The following CD8B2 variants were observed in gnomAD, a reference collection of about 807,000 sequenced individuals.
The protein encoded by CD8B2 is CD8B family member 2.
CD8B2 carries 11 observed loss-of-function variants against 23.7 expected under a neutral mutation model. That is an observed-to-expected ratio of 0.46 (90% confidence interval 0.29 to 0.77). CD8B2 has a LOEUF of 0.77. Ranked by LOEUF, CD8B2 falls within the 30% of genes least tolerant of loss-of-function variation. The pLI, the probability that CD8B2 is intolerant of heterozygous loss-of-function variation, is 0.09. For missense variants in CD8B2, 197 were observed against 270.5 expected (o/e 0.73, Z 1.91); for synonymous variants, 90 against 109.3 (o/e 0.82, Z 1.10).
intron 3 of CD8B2, among the ~76,000 whole-genome samples, chr2:106,500,556 A>AATTAATTAAT (rs1553466755): frequency 9.6e-6 from 1 of 104,508 alleles, no homozygotes; most frequent in Non-Finnish European, 2.5e-5. Flanking sequence ...AAATAAATAA[A>AATTAATTAAT]TAAATAATTA....
intron 5 of CD8B2, among the ~76,000 whole-genome samples, chr2:106,536,511 T>C (rs1056083967): frequency 3.9e-5 from 6 of 152,178 alleles, no homozygotes; most frequent in Non-Finnish European, 8.8e-5. Flanking sequence ...AGCTTAGATA[T>C]AGGTTGGTGG....
At chr2:106,539,835 A>C (rs1370669942) in intron 5 of CD8B2, among the ~76,000 whole-genome samples, 1 of 152,238 alleles carries the variant, frequency 6.6e-6, no homozygotes, top group East Asian at 1.9e-4. Context: ...TGGGAAAAAA[A>C]AGTGTATTCT....
Position 106,510,282 on chromosome 2 carries a change from G to A in CD8B2, c.*3342G>A, listed in dbSNP as rs1388119516. ...CTCAATCTGGGAATCACTTATATGAGTGTGTTTCATTAGTAAAAGTCATCA... is the reference window on the plus strand; with the variant it reads ...CTCAATCTGGGAATCACTTATATGAATGTGTTTCATTAGTAAAAGTCATCA... On this transcript the variant is annotated 3_prime_UTR_variant, in exon 6 of 6. Coordinates refer to ENST00000643224, the MANE Select transcript of CD8B2 (RefSeq NM_001349727.2). 1 of 152,182 alleles carries A rather than the reference G, an allele frequency of 6.6e-6. No homozygotes were observed. The highest frequency in any genetic ancestry group is 1.5e-5 in the Non-Finnish European group (1 of 68,042). The allele number at this position is 152,182 out of a possible 1,614,324, so 9.4% of individuals were successfully genotyped here. A position where few individuals can be genotyped will look rare whatever the true frequency, so the allele number is the denominator to read the frequency against.
intron 5 of CD8B2, among the ~76,000 whole-genome samples, chr2:106,506,265 G>C (rs570028966): frequency 5.3e-4 from 81 of 152,114 alleles, no homozygotes; most frequent in Middle Eastern, 3.4e-3. Flanking sequence ...GCTCCCCAGT[G>C]ATCTGATGCC....
intron 5 of CD8B2, among the ~76,000 whole-genome samples, chr2:106,527,718 G>T (rs1679926817): frequency 6.6e-6 from 1 of 152,206 alleles, no homozygotes. Context: ...GGGAGGTGGA[G>T]GTTGCAGTGA....
chr2:106,503,136 G>A (rs2104557780), intron 4 of CD8B2, among the ~76,000 whole-genome samples: 1 of 151,126 alleles, frequency 6.6e-6, no homozygotes, highest in South Asian at 2.1e-4. Context: ...CACAGCACTG[G>A]GTTCACAAGA....
intron 3 of CD8B2, among the ~76,000 whole-genome samples, chr2:106,501,519 T>C (rs1015949843): frequency 2.6e-5 from 4 of 151,986 alleles, no homozygotes; most frequent in African/African-American, 9.7e-5. Context: ...CCATCTCTAC[T>C]AAAAATACAA....
chr2:106,488,600 C>T (rs911880785), intron 1 of CD8B2, among the ~76,000 whole-genome samples: 1 of 152,164 alleles, frequency 6.6e-6, no homozygotes, highest in Admixed American at 6.5e-5. Context: ...TAACCACCAT[C>T]GGGGAGAGGA....
chr2:106,534,220 G>C (rs781703625), intron 5 of CD8B2, among the ~76,000 whole-genome samples: 32 of 152,222 alleles, frequency 2.1e-4, no homozygotes, highest in Non-Finnish European at 4.6e-4. Flanking sequence ...GGAAAGTCAT[G>C]CAGTCATTGG....
At chr2:106,516,281 G>A (rs1679728651) in intron 5 of CD8B2, among the ~76,000 whole-genome samples, 2 of 152,148 alleles carry the variant, frequency 1.3e-5, no homozygotes, top group Non-Finnish European at 2.9e-5. Context: ...CCAACCAAAG[G>A]TACTTACAAA....
rs907390396 is a variant in CD8B2, at chr2:106,509,012, C to G, written c.*2072C>G. 5.9e-5 allele frequency: 9 copies of G among 151,746 alleles called. No homozygotes were observed. Among genetic ancestry groups the G allele is most frequent in the Non-Finnish European group, 1.2e-4 (8 of 67,996 alleles). 9.4% of individuals were successfully genotyped at this position (151,746 alleles called of 1,614,324 possible). A position where few individuals can be genotyped will look rare whatever the true frequency, so the allele number is the denominator to read the frequency against. ...AAATTGGCCTCAGATTCCCTGCCCC[C>G]AGACGTAGGTGTTTCTCCTTCATTC... On this transcript the variant is annotated 3_prime_UTR_variant, in exon 6 of 6. Transcript: ENST00000643224.
chr2:106,529,192 T>C (rs1679959562), intron 5 of CD8B2, among the ~76,000 whole-genome samples: 1 of 152,196 alleles, frequency 6.6e-6, no homozygotes. Flanking sequence ...GAAGACTCTG[T>C]TATCTGCGAT....
At chr2:106,539,184 C>A (rs765584623) in intron 5 of CD8B2, among the ~76,000 whole-genome samples, 15 of 152,310 alleles carry the variant, frequency 9.8e-5, no homozygotes, top group Non-Finnish European at 2.2e-4. Context: ...GTGCCTGGTG[C>A]CCCCACAGCA....
downstream of CD8B2, among the ~76,000 whole-genome samples, chr2:106,511,568 C>T (rs1276467223): frequency 2.6e-5 from 4 of 151,934 alleles, no homozygotes; most frequent in Admixed American, 2.6e-4. Flanking sequence ...CATCCTCACC[C>T]CCGCCCCGCA....
chr2:106,505,769 T>C (rs951331934), intron 5 of CD8B2, among the ~76,000 whole-genome samples: 11 of 152,186 alleles, frequency 7.2e-5, no homozygotes, highest in Non-Finnish European at 1.3e-4. Flanking sequence ...GTGTGTTGGA[T>C]TTAGAAGCTG....
In CD8B2 at chr2:106,495,895, C is replaced by T. The variant is rs1679290069; in HGVS notation, c.404-278C>T. On this transcript the variant is annotated intron_variant, in intron 2 of 5. Transcript: ENST00000643224. ...CTCACTTCAGCCTTGACTTCCCAAG[C>T]TCAGGTGATCCTCTCACCTCAGCCT... is the stretch of plus-strand genomic sequence containing the variant. Among the ~76,000 whole-genome samples, 3 of 152,284 alleles carry T rather than the reference C, an allele frequency of 2.0e-5. No homozygotes were observed. In the South Asian group the frequency reaches 6.2e-4, roughly 32 times the overall value.
chr2:106,524,616 G>A (rs1478350952), intron 5 of CD8B2, among the ~76,000 whole-genome samples: 2 of 152,208 alleles, frequency 1.3e-5, no homozygotes, highest in African/African-American at 4.8e-5. Flanking sequence ...AGTTGGAGCA[G>A]TGAGAGCCCA....
At chr2:106,534,730 A>G (rs1409537652) in intron 5 of CD8B2, among the ~76,000 whole-genome samples, 1 of 152,188 alleles carries the variant, frequency 6.6e-6, no homozygotes, top group Non-Finnish European at 1.5e-5. Flanking sequence ...GTGTTTCAAC[A>G]TTATAAAAGC....
intron 1 of CD8B2, among the ~76,000 whole-genome samples, chr2:106,489,671 TCTC>T (rs1258460395): frequency 2.0e-5 from 3 of 152,166 alleles, no homozygotes; most frequent in Non-Finnish European, 2.9e-5. Context: ...TTCTGATCCT[TCTC>T]CTTGAGATTT....
Sources: allele counts gnomAD v4.1 joint callset (sites outside exome capture counted in the v4.1 genomes callset), GRCh38; gene constraint gnomAD v4.1.1; transcripts MANE v1.5; gene names NCBI Gene and HGNC (gene_info 2026-07-23, HGNC 2026-07-21).